Variants in CRIM1 observed in about 807,000 individuals in gnomAD.
CRIM1 encodes the protein cysteine rich transmembrane BMP regulator 1.
CRIM1 carries 32 observed loss-of-function variants against 116.4 expected under a neutral mutation model. The ratio of observed to expected loss-of-function variants is 0.27; its 90% CI spans 0.21 to 0.37. The LOEUF (loss-of-function observed/expected upper bound fraction) is 0.37, where lower values mean the gene tolerates loss of function less well. CRIM1 is among the 10% of genes least tolerant of loss of function. The pLI is 1.00. For missense variants in CRIM1, 1,331 were observed against 1,354.8 expected, an observed-to-expected ratio of 0.98 and a Z score of 0.28; for synonymous variants, 590 against 509.2, an observed-to-expected ratio of 1.16 and a Z score of -2.13.
chr2:36,526,999 A>T (rs937217785), intron 13 of CRIM1, among the ~76,000 whole-genome samples: 2 of 152,172 alleles, frequency 1.3e-5, no homozygotes, highest in African/African-American at 2.4e-5. Flanking sequence ...TTTGAAAATT[A>T]TGACTTGGCA....
At position 36,549,184 on chromosome 2, in the gene CRIM1, C is replaced by G. The variant is rs1037564483; in HGVS notation, c.*483C>G. 2 of 152,778 alleles carry G rather than the reference C, an allele frequency of 1.3e-5. No homozygotes were observed. Among genetic ancestry groups the G allele is most frequent in the East Asian group, 1.9e-4 (1 of 5,188 alleles). The allele number at this position is 152,778 out of a possible 1,614,324, so 9.5% of individuals were successfully genotyped here. A position where few individuals can be genotyped will look rare whatever the true frequency, so the allele number is the denominator to read the frequency against. On this transcript the variant is annotated 3_prime_UTR_variant, in exon 17 of 17. Coordinates refer to ENST00000280527, the MANE Select transcript of CRIM1 (RefSeq NM_016441.3). Reference sequence around the variant, plus strand: ...CAGGAAACAAAAAAGGCCTTGCGACCCAGCTGCCATAACCACCTTAGAACT... The same window carrying G: ...CAGGAAACAAAAAAGGCCTTGCGACGCAGCTGCCATAACCACCTTAGAACT...
At chr2:36,480,905 G>C (rs373088235) in intron 7 of CRIM1, among the ~76,000 whole-genome samples, 2 of 152,114 alleles carry the variant, frequency 1.3e-5, no homozygotes, top group Non-Finnish European at 2.9e-5. Context: ...AAAAAAAAGA[G>C]CATGTAGAAA....
rs150877413 is a variant in CRIM1, at chr2:36,380,654, G to A, written c.332-15960G>A. On this transcript the variant is annotated intron_variant, in intron 1 of 16. Coordinates refer to ENST00000280527, the MANE Select transcript of CRIM1 (RefSeq NM_016441.3). The stretch of plus-strand genomic sequence containing the variant: ...AGCAAAGAAATCCAGTATTGCAAGG[G>A]GAAGATTTTGCTTTGGGAGGTTGAA... Among the ~76,000 whole-genome samples, 475 of 152,254 alleles carry A rather than the reference G, an allele frequency of 3.1e-3. 1 individual carries two copies. Among genetic ancestry groups the A allele is most frequent in the African/African-American group, 0.011 (448 of 41,548 alleles).
chr2:36,506,473 G>C (rs1212272357), intron 8 of CRIM1, among the ~76,000 whole-genome samples: 1 of 152,176 alleles, frequency 6.6e-6, no homozygotes, highest in East Asian at 1.9e-4. Flanking sequence ...ACCATCCACA[G>C]TGTGTTCTCC....
chr2:36,440,354 C>T (rs1206803673), intron 2 of CRIM1, among the ~76,000 whole-genome samples: 2 of 152,202 alleles, frequency 1.3e-5, no homozygotes, highest in African/African-American at 4.8e-5. Context: ...ATCAATTTCA[C>T]CTAATGTCTC....
intron 7 of CRIM1, among the ~76,000 whole-genome samples, chr2:36,495,145 A>G (rs921839130): frequency 1.2e-4 from 18 of 152,314 alleles, no homozygotes; most frequent in African/African-American, 2.9e-4. Flanking sequence ...CCTCTGTTCA[A>G]TTGAACTTTG....
chr2:36,455,736 A>C (rs543405451), intron 4 of CRIM1, among the ~76,000 whole-genome samples: 2 of 152,296 alleles, frequency 1.3e-5, no homozygotes, highest in South Asian at 4.1e-4. Context: ...AAGGAAATAG[A>C]ATCTTTAGGG....
At chr2:36,540,003 C>T (rs2125174982) in intron 14 of CRIM1, among the ~76,000 whole-genome samples, 1 of 152,206 alleles carries the variant, frequency 6.6e-6, no homozygotes, top group East Asian at 1.9e-4. Flanking sequence ...GGACCGAGCC[C>T]TGAGACCTTC....
rs1306830250 is a variant in CRIM1, at chr2:36,550,177, C to T, written c.*1476C>T. On this transcript the variant is annotated 3_prime_UTR_variant, in exon 17 of 17. Transcript: ENST00000280527. ...TTGCTTTCAGTTGGTTTTCAATTTG[C>T]TCACTGGCCAGAGACATTGATGGCA... 1.3e-5 allele frequency: 2 copies of T among 151,660 alleles called. No homozygotes were observed. Among genetic ancestry groups the T allele is most frequent in the Non-Finnish European group, 2.9e-5 (2 of 67,956 alleles). The allele number at this position is 151,660 out of a possible 1,614,324, so 9.4% of individuals were successfully genotyped here.
At chr2:36,493,843 G>A (rs900461780) in intron 7 of CRIM1, among the ~76,000 whole-genome samples, 3 of 152,124 alleles carry the variant, frequency 2.0e-5, no homozygotes, top group Non-Finnish European at 4.4e-5. Flanking sequence ...TATTGTTTCA[G>A]AAGTGAATAT....
At chr2:36,481,763 A>G (rs966097944) in intron 7 of CRIM1, among the ~76,000 whole-genome samples, 6 of 152,124 alleles carry the variant, frequency 3.9e-5, no homozygotes. Context: ...GTGAAGATCA[A>G]CGGAAGTTTG....
chr2:36,538,027 C>G (rs532480358), intron 14 of CRIM1, among the ~76,000 whole-genome samples: 169 of 152,268 alleles, frequency 1.1e-3, no homozygotes, highest in Non-Finnish European at 1.8e-3. Flanking sequence ...GTACCCATAC[C>G]ATCCACGCAG....
intron 4 of CRIM1, among the ~76,000 whole-genome samples, chr2:36,451,643 G>A (rs971499061): frequency 2.6e-5 from 4 of 152,166 alleles, no homozygotes; most frequent in Non-Finnish European, 5.9e-5. Context: ...CCGTGGTAGA[G>A]CTTTCCAAAG....
intron 1 of CRIM1, 38 bp from the exon 2 acceptor site, chr2:36,396,576 T>C (rs1479399262): frequency 3.4e-6 from 5 of 1,450,790 alleles, no homozygotes; most frequent in Non-Finnish European, 2.8e-6. Context: ...TGAATGAAGC[T>C]GCAAACACAC....
Position 36,548,510 on chromosome 2 carries a change from C to T in CRIM1, c.2935-15C>T. On this transcript the variant is annotated splice_polypyrimidine_tract_variant and intron_variant, in intron 16 of 16. Transcript: ENST00000280527. ...ACTAATTTTTTGTGGTTTTATTCCT[C>T]CTCTCATTAAATAGCCTTCTTCCTT... is the stretch of plus-strand genomic sequence containing the variant. The T allele has an allele frequency of 6.5e-7, 1 of 1,537,344 alleles. No homozygotes were observed. Among genetic ancestry groups the T allele is most frequent in the Non-Finnish European group, 8.7e-7 (1 of 1,146,264 alleles).
At chr2:36,546,598 G>C (rs915954795) in intron 15 of CRIM1, among the ~76,000 whole-genome samples, 4 of 151,958 alleles carry the variant, frequency 2.6e-5, no homozygotes, top group Admixed American at 6.6e-5. Context: ...CAATAAATCA[G>C]CTAATGTTTC....
At chr2:36,411,741 T>A (rs1378883391) in intron 2 of CRIM1, among the ~76,000 whole-genome samples, 1 of 152,182 alleles carries the variant, frequency 6.6e-6, no homozygotes, top group Non-Finnish European at 1.5e-5. Context: ...TTACATTCTC[T>A]GGTTAAGTGT....
chr2:36,450,516 A>C (rs1676626865), intron 4 of CRIM1, among the ~76,000 whole-genome samples: 1 of 152,130 alleles, frequency 6.6e-6, no homozygotes, highest in African/African-American at 2.4e-5. Context: ...TCTGTCTCTT[A>C]AAATGAAAAA....
At chr2:36,511,260 G>A (rs1664656266) in intron 9 of CRIM1, among the ~76,000 whole-genome samples, 1 of 151,818 alleles carries the variant, frequency 6.6e-6, no homozygotes, top group Non-Finnish European at 1.5e-5. Context: ...TAATTATAAG[G>A]GACTTAGACC....
Sources: allele counts gnomAD v4.1 joint callset (sites outside exome capture counted in the v4.1 genomes callset), GRCh38; gene constraint gnomAD v4.1.1; transcripts MANE v1.5; gene names NCBI Gene and HGNC (gene_info 2026-07-23, HGNC 2026-07-21).